ACTN4: variants seen among roughly 807,000 people sequenced by gnomAD.
ACTN4 encodes alpha-actinin-4.
In ACTN4, 18 loss-of-function variants were observed where a neutral mutation model predicts 114.2. That is an observed-to-expected ratio of 0.16 (90% CI 0.11 to 0.23). The LOEUF is 0.23. Among genes scored for constraint, ACTN4 ranks in the 10% least tolerant of loss-of-function variants. The pLI is 1.00. For synonymous variants in ACTN4, 515 were observed against 506.3 expected (o/e 1.02, Z -0.23); for missense variants, 722 against 1,262.9 (o/e 0.57, Z 6.49).
Position 38,730,712 on chromosome 19 carries a change from G to C in ACTN4, c.*1280G>C, listed in dbSNP as rs747837065. ...AGTACGCAGGCCAGAGTGGTCACCCGGCCGTGAGCAGTGAGGGCCAGAGAC... is the reference window on the plus strand; with the variant it reads ...AGTACGCAGGCCAGAGTGGTCACCCCGCCGTGAGCAGTGAGGGCCAGAGAC... On this transcript the variant is annotated 3_prime_UTR_variant, in exon 21 of 21. Coordinates refer to ENST00000252699, the MANE Select transcript of ACTN4 (RefSeq NM_004924.6). 1 of 1,055,540 alleles carries C rather than the reference G, an allele frequency of 9.5e-7. No individual in the cohort carries two copies. The allele number at this position is 1,055,540 out of a possible 1,614,324, so 65.4% of individuals were successfully genotyped here.
intron 1 of ACTN4, among the ~76,000 whole-genome samples, chr19:38,667,781 A>G (rs1280210502): frequency 1.3e-5 from 2 of 151,524 alleles, no homozygotes; most frequent in Non-Finnish European, 2.9e-5. Context: ...TAATCTTCCC[A>G]TGTGCCTCCA....
rs1968600733 is a variant in ACTN4, at chr19:38,710,269, C to T, written c.746C>T (p.Thr249Met). 3 of 1,614,124 alleles carry T rather than the reference C, an allele frequency of 1.9e-6. No individual in the cohort carries two copies. Among genetic ancestry groups the T allele is most frequent in the Non-Finnish European group, 2.5e-6 (3 of 1,180,036 alleles). ...KMLDAEDIVNTARPDEKAIMT... is the reference protein window; with the variant it reads ...KMLDAEDIVNMARPDEKAIMT... ...TGTTCACTTGCAGACATCGTGAACA[C>T]GGCCCGGCCCGACGAGAAGGCCATA... Residue 249 changes from threonine (T) to methionine (M), a missense_variant, in exon 8 of 21, where the codon ACG becomes ATG. This residue lies in a region of ACTN4 where 127 missense variants were observed against 311.3 expected (regional missense o/e 0.41). Transcript: ENST00000252699.
intron 1 of ACTN4, among the ~76,000 whole-genome samples, chr19:38,690,116 A>G (rs1967874445): frequency 6.6e-6 from 1 of 152,256 alleles, no homozygotes; most frequent in Non-Finnish European, 1.5e-5. Flanking sequence ...TGATTGGGAT[A>G]TAAACCCCAG....
At position 38,729,127 on chromosome 19, in the gene ACTN4, T is replaced by C; in HGVS notation, c.2550T>C (p.Ala850=). The C allele has an allele frequency of 6.2e-7, 1 of 1,613,042 alleles. No homozygotes were observed. The highest frequency in any genetic ancestry group is 8.5e-7 in the Non-Finnish European group (1 of 1,179,962). ...TDTDTADQVI[A]SFKVLAGDKN... Reference sequence around the variant, plus strand: ...CGGACACGGCTGACCAGGTCATCGCTTCCTTCAAGGTCTTAGCAGGGGACA... The same window carrying C: ...CGGACACGGCTGACCAGGTCATCGCCTCCTTCAAGGTCTTAGCAGGGGACA... Residue 850 remains alanine, a synonymous_variant, in exon 20 of 21, where the codon GCT becomes GCC. Coordinates refer to ENST00000252699, the MANE Select transcript of ACTN4 (RefSeq NM_004924.6).
Position 38,727,830 on chromosome 19 carries a change from CTG to C in ACTN4, c.2338-112_2338-111del, listed in dbSNP as rs753264459. ...CTCCTTGTCCATGTTGCCTCTAACTCTGTGTTTCCCTCCCCTACGTGTCCCTT... is the reference window on the plus strand; with the variant it reads ...CTCCTTGTCCATGTTGCCTCTAACTCTGTTTCCCTCCCCTACGTGTCCCTT... On this transcript the variant is annotated intron_variant, in intron 18 of 20. Coordinates refer to ENST00000252699, the MANE Select transcript of ACTN4 (RefSeq NM_004924.6). The surrounding 1 kb of genome is among the most constrained non-coding windows in gnomAD (Gnocchi z 5.4). 53 of 972,074 alleles carry C rather than the reference CTG, an allele frequency of 5.5e-5. No homozygotes were observed. The highest frequency in any genetic ancestry group is 1.4e-4 in the African/African-American group (9 of 62,318). The allele number at this position is 972,074 out of a possible 1,614,324, so 60.2% of individuals were successfully genotyped here. A position where few individuals can be genotyped will look rare whatever the true frequency, so the allele number is the denominator to read the frequency against.
chr19:38,721,797 TCCCCAGTG>T (rs1421893995), intron 12 of ACTN4, 109 bp downstream of exon 12: 1 of 1,500,510 alleles, frequency 6.7e-7, no homozygotes. Context: ...TGGAATAGGG[TCCCCAGTG>T]CCCCAACTGC....
At chr19:38,676,115 A>C (rs536531359) in intron 1 of ACTN4, among the ~76,000 whole-genome samples, 1 of 152,164 alleles carries the variant, frequency 6.6e-6, no homozygotes, top group East Asian at 1.9e-4. Flanking sequence ...CTGGAGTCCC[A>C]TATGGGAGTT....
rs564429690 is a variant in ACTN4, at chr19:38,698,786, TC to T, written c.163-1813del. The stretch of plus-strand genomic sequence containing the variant: ...TCTAGCTGTCCACTCTTGCCCCCTT[TC>T]GGATTTGGAAGGAAGCCCCATGCTG... On this transcript the variant is annotated intron_variant, in intron 1 of 20. Transcript: ENST00000252699. Among the ~76,000 whole-genome samples, 5 of 152,272 alleles carry T rather than the reference TC, an allele frequency of 3.3e-5. No individual in the cohort carries two copies. The South Asian group carries it at 1.0e-3, about 32-fold the overall frequency.
intron 1 of ACTN4, among the ~76,000 whole-genome samples, chr19:38,672,526 C>T (rs374244536): frequency 1.6e-4 from 25 of 151,912 alleles, no homozygotes; most frequent in Admixed American, 5.3e-4. Context: ...CAGGTGTGAG[C>T]TACCACACCC....
At chr19:38,649,164 G>C (rs1002649044) in intron 1 of ACTN4, among the ~76,000 whole-genome samples, 2 of 135,662 alleles carry the variant, frequency 1.5e-5, no homozygotes, top group Admixed American at 1.5e-4. Context: ...CTGTGTTCAG[G>C]TGGCACTGTT....
intron 1 of ACTN4, among the ~76,000 whole-genome samples, chr19:38,652,716 G>A (rs1355570116): frequency 2.0e-5 from 3 of 152,182 alleles, no homozygotes; most frequent in Non-Finnish European, 4.4e-5. Context: ...AGTGTTGGAG[G>A]AAGCAGGGTG....
chr19:38,669,538 C>A (rs1967069165), intron 1 of ACTN4, among the ~76,000 whole-genome samples: 1 of 152,166 alleles, frequency 6.6e-6, no homozygotes, highest in African/African-American at 2.4e-5. Context: ...ACTTAGAGCA[C>A]AGGTAGCTGG....
chr19:38,708,776 C>T lies in ACTN4; in HGVS notation c.651+581C>T, dbSNP rs115002000. On this transcript the variant is annotated intron_variant, in intron 6 of 20. Transcript: ENST00000252699. ...TGCTGCGGAGGAGGCTAGTGTACCCCGAGCGAGCAGGAGCCAGGAAAGGTC... is the reference window on the plus strand; with the variant it reads ...TGCTGCGGAGGAGGCTAGTGTACCCTGAGCGAGCAGGAGCCAGGAAAGGTC... Among the ~76,000 whole-genome samples, 956 of 152,302 alleles carry T rather than the reference C, an allele frequency of 6.3e-3. 14 individuals are homozygous for T. The highest frequency in any genetic ancestry group is 0.022 in the African/African-American group (920 of 41,562).
intron 8 of ACTN4, among the ~76,000 whole-genome samples, chr19:38,714,073 C>T (rs1295591608): frequency 2.6e-5 from 4 of 152,168 alleles, no homozygotes; most frequent in Admixed American, 6.6e-5. Flanking sequence ...TGCTCTGTTG[C>T]CCCCAGCTCT....
chr19:38,692,886 C>G (rs1419155227), intron 1 of ACTN4, among the ~76,000 whole-genome samples: 2 of 152,164 alleles, frequency 1.3e-5, no homozygotes, highest in African/African-American at 4.8e-5. Context: ...GCGCCCTCCC[C>G]CTCAAAGCAA....
chr19:38,685,826 C>T (rs1967724685), intron 1 of ACTN4, among the ~76,000 whole-genome samples: 2 of 151,992 alleles, frequency 1.3e-5, no homozygotes, highest in African/African-American at 4.8e-5. Flanking sequence ...TGAATCAGAG[C>T]CTCTCAAAAC....
intron 1 of ACTN4, among the ~76,000 whole-genome samples, chr19:38,697,158 C>T (rs8103524): frequency 0.014 from 2,142 of 152,246 alleles, 57 homozygotes; most frequent in African/African-American, 0.047. Context: ...GTGGGATGTA[C>T]GTATGGAGGG....
chr19:38,680,958 T>G lies in ACTN4; in HGVS notation c.163-19642T>G, dbSNP rs555390225. On this transcript the variant is annotated intron_variant, in intron 1 of 20. Transcript: ENST00000252699. ...CTGGCCAACATGGTGAAACCCCGTC[T>G]CTACTAAAAATACAAAACTTAGCTG... 4.6e-5 allele frequency among the ~76,000 whole-genome samples: 7 copies of G among 151,878 alleles called. No individual in the cohort carries two copies. The East Asian group carries it at 9.7e-4, about 21-fold the overall frequency.
chr19:38,652,141 G>A (rs1034875853), intron 1 of ACTN4, among the ~76,000 whole-genome samples: 1 of 151,942 alleles, frequency 6.6e-6, no homozygotes, highest in Non-Finnish European at 1.5e-5. Flanking sequence ...TGCCTCTTAG[G>A]ATCTGGCTAG....
Sources: allele counts gnomAD v4.1 joint callset (sites outside exome capture counted in the v4.1 genomes callset), GRCh38; gene constraint gnomAD v4.1.1; regional missense constraint gnomAD v4.1.1; non-coding constraint Gnocchi (gnomAD v3.1); transcripts MANE v1.5; gene names NCBI Gene and HGNC (gene_info 2026-07-23, HGNC 2026-07-21).